Variants in RBFOX1 observed in about 807,000 individuals in gnomAD.
RBFOX1 encodes RNA binding protein fox-1 homolog 1.
A neutral mutation model predicts 57.7 loss-of-function variants in RBFOX1; 8 were observed. The ratio of observed to expected loss-of-function variants is 0.14; its 90% CI spans 0.08 to 0.25. The LOEUF is 0.25. Ranked by LOEUF, RBFOX1 falls within the 10% of genes least tolerant of loss-of-function variation. The pLI is 1.00. For missense variants in RBFOX1, 611 were observed against 548.5 expected (o/e 1.11, Z -1.14); for synonymous variants, 326 against 222.4 (o/e 1.47, Z -4.15).
intron 4 of RBFOX1, among the ~76,000 whole-genome samples, chr16:7,096,600 T>C (rs1005727457): frequency 5.3e-4 from 80 of 152,158 alleles, no homozygotes; most frequent in African/African-American, 1.7e-3. Flanking sequence ...GTGTAAAATA[T>C]TTGCTGTTTG....
In RBFOX1 at chr16:6,969,552, A is replaced by G. The variant is rs949996617; in HGVS notation, c.-15-82505A>G. ...GAGTTTGAGACCACACTGGGCAACA[A>G]AATGAGACCTCGTCTCTACAAAAAA... On this transcript the variant is annotated intron_variant, in intron 3 of 15. Coordinates refer to ENST00000550418, the MANE Select transcript of RBFOX1 (RefSeq NM_018723.4). 8.5e-5 allele frequency among the ~76,000 whole-genome samples: 13 copies of G among 152,136 alleles called. No homozygotes were observed. The East Asian group carries it at 2.3e-3, about 27-fold the overall frequency.
intron 3 of RBFOX1, among the ~76,000 whole-genome samples, chr16:6,859,588 A>T (rs2058649798): frequency 6.6e-6 from 1 of 152,078 alleles, no homozygotes. Context: ...CACTTTGTAG[A>T]AAATGCTTCA....
chr16:6,820,190 C>T (rs1438866037), intron 3 of RBFOX1, among the ~76,000 whole-genome samples: 2 of 152,192 alleles, frequency 1.3e-5, no homozygotes, highest in South Asian at 2.1e-4. Context: ...CTTCACCTTC[C>T]ATCGTGATTG....
At chr16:7,389,902 C>T (rs1041109697) in intron 4 of RBFOX1, among the ~76,000 whole-genome samples, 1 of 152,098 alleles carries the variant, frequency 6.6e-6, no homozygotes, top group South Asian at 2.1e-4. Flanking sequence ...TGTAGTAGTC[C>T]ATTCTCATAC....
At chr16:6,868,036 G>T (rs923826299) in intron 3 of RBFOX1, among the ~76,000 whole-genome samples, 2 of 152,086 alleles carry the variant, frequency 1.3e-5, no homozygotes, top group African/African-American at 4.8e-5. Flanking sequence ...ACTTATTTGC[G>T]AAATATAGGT....
chr16:7,327,879 G>A (rs2096632161), intron 4 of RBFOX1, among the ~76,000 whole-genome samples: 1 of 151,898 alleles, frequency 6.6e-6, no homozygotes, highest in Non-Finnish European at 1.5e-5. Flanking sequence ...CTGTGGACTG[G>A]ACTTGGTCCC....
At chr16:6,943,977 A>G (rs1039633777) in intron 3 of RBFOX1, among the ~76,000 whole-genome samples, 9 of 152,088 alleles carry the variant, frequency 5.9e-5, no homozygotes, top group Admixed American at 2.0e-4. Flanking sequence ...GGGCTGCCCA[A>G]CTCACGAACT....
intron 3 of RBFOX1, among the ~76,000 whole-genome samples, chr16:5,810,508 C>T (rs2151775933): frequency 1.3e-5 from 2 of 152,282 alleles, no homozygotes; most frequent in East Asian, 3.9e-4. Context: ...AACTAATACA[C>T]AGGCGATGCT....
intron 4 of RBFOX1, among the ~76,000 whole-genome samples, chr16:7,278,245 A>G (rs1249038240): frequency 1.3e-5 from 2 of 152,196 alleles, no homozygotes; most frequent in African/African-American, 4.8e-5. Context: ...GCCTATTCAC[A>G]AACCCCTTGA....
intron 3 of RBFOX1, among the ~76,000 whole-genome samples, chr16:5,818,852 A>C (rs2055742480): frequency 6.6e-6 from 1 of 151,794 alleles, no homozygotes; most frequent in Non-Finnish European, 1.5e-5. Flanking sequence ...GGGAGAGAGG[A>C]CTCCTTTTAT....
At chr16:5,393,085 G>T (rs1309123297) in intron 1 of RBFOX1, among the ~76,000 whole-genome samples, 1 of 152,010 alleles carries the variant, frequency 6.6e-6, no homozygotes. Flanking sequence ...GGCGAGGGTG[G>T]GGCTGTGGCT....
chr16:6,336,175 ATATATATTTTTTTTTTTTTTTTT>A (rs1332220879), intron 2 of RBFOX1, among the ~76,000 whole-genome samples: 294 of 31,322 alleles, frequency 9.4e-3, no homozygotes, highest in African/African-American at 0.025. Context: ...ATATATATAT[ATATATATTTTTTTTTTTTTTTTT>A]TTTTTTTTTT....
chr16:5,922,372 A>T (rs2058843386), intron 4 of RBFOX1, among the ~76,000 whole-genome samples: 1 of 152,214 alleles, frequency 6.6e-6, no homozygotes. Flanking sequence ...GACGGAAGGA[A>T]GGGAAGAAGA....
At chr16:6,567,441 G>C (rs142329292) in intron 2 of RBFOX1, among the ~76,000 whole-genome samples, 1 of 152,134 alleles carries the variant, frequency 6.6e-6, no homozygotes, top group Non-Finnish European at 1.5e-5. Flanking sequence ...TCATGATTCA[G>C]GACTCTTCTC....
intron 1 of RBFOX1, among the ~76,000 whole-genome samples, chr16:6,293,970 A>G (rs1317478775): frequency 6.6e-6 from 1 of 152,180 alleles, no homozygotes; most frequent in Non-Finnish European, 1.5e-5. Context: ...CAGTGAATAA[A>G]ATAAAGATGT....
At chr16:7,226,720 C>T (rs928954105) in intron 4 of RBFOX1, among the ~76,000 whole-genome samples, 3 of 152,200 alleles carry the variant, frequency 2.0e-5, no homozygotes, top group African/African-American at 4.8e-5. Context: ...AGAGATACGT[C>T]TAAAGTCACA....
chr16:6,344,407 C>CTTTTT (rs60637926), intron 2 of RBFOX1, among the ~76,000 whole-genome samples: 2 of 109,846 alleles, frequency 1.8e-5, no homozygotes, highest in African/African-American at 4.4e-5. Flanking sequence ...TCTTTTTTTT[C>CTTTTT]TTTTTTTTTT....
intron 3 of RBFOX1, among the ~76,000 whole-genome samples, chr16:5,803,306 A>T (rs2055118581): frequency 6.6e-6 from 1 of 152,080 alleles, no homozygotes; most frequent in African/African-American, 2.4e-5. Context: ...CCTTTGTACT[A>T]TTTTATGGTC....
At chr16:7,542,043 G>C (rs1278851047) in intron 5 of RBFOX1, among the ~76,000 whole-genome samples, 2 of 152,154 alleles carry the variant, frequency 1.3e-5, no homozygotes, top group Non-Finnish European at 2.9e-5. Flanking sequence ...GAAGAAGTGT[G>C]GGTACTGGCA....
Sources: allele counts gnomAD v4.1 joint callset (sites outside exome capture counted in the v4.1 genomes callset), GRCh38; gene constraint gnomAD v4.1.1; transcripts MANE v1.5; gene names NCBI Gene and HGNC (gene_info 2026-07-23, HGNC 2026-07-21).